CDH13: variants seen among roughly 807,000 people sequenced by gnomAD.
CDH13 encodes the protein cadherin 13, also known as cadherin-13.
Under a neutral mutation model 63.8 loss-of-function variants are expected in CDH13, and 24 were observed. The ratio of observed to expected loss-of-function variants is 0.38; its 90% CI spans 0.27 to 0.53. The LOEUF (loss-of-function observed/expected upper bound fraction) is 0.53, where lower values mean the gene tolerates loss of function less well. CDH13 is among the 20% of genes least tolerant of loss of function. CDH13 has a pLI of 0.85. For synonymous variants in CDH13, 503 were observed against 355.3 expected, an observed-to-expected ratio of 1.42 and a Z score of -4.67; for missense variants, 1,049 against 903.1, an observed-to-expected ratio of 1.16 and a Z score of -2.07.
chr16:82,822,094 G>A lies in CDH13; in HGVS notation c.46-36268G>A, dbSNP rs117577907. On this transcript the variant is annotated intron_variant, in intron 1 of 13. Coordinates refer to ENST00000567109, the MANE Select transcript of CDH13 (RefSeq NM_001257.5). ...TGTGTGAATTAACTTATTTGACCTC[G>A]ACAGACATTTGCCTCACCCCACTGA... Among the ~76,000 whole-genome samples the A allele has an allele frequency of 2.5e-3, 382 of 152,220 alleles. 1 individual carries two copies. The highest frequency in any genetic ancestry group is 4.0e-3 in the Non-Finnish European group (273 of 68,014).
chr16:82,653,291 C>T (rs1336479347), intron 1 of CDH13, among the ~76,000 whole-genome samples: 4 of 152,114 alleles, frequency 2.6e-5, no homozygotes, highest in East Asian at 1.9e-4. Flanking sequence ...GAGCTGAATA[C>T]TTGGGCTTTT....
At chr16:83,644,337 A>G (rs1253705576) in intron 8 of CDH13, among the ~76,000 whole-genome samples, 1 of 152,184 alleles carries the variant, frequency 6.6e-6, no homozygotes, top group Non-Finnish European at 1.5e-5. Context: ...TCTGTTTTAT[A>G]GATGTCCCAC....
intron 6 of CDH13, among the ~76,000 whole-genome samples, chr16:83,482,215 A>G (rs1273961365): frequency 6.6e-6 from 1 of 152,200 alleles, no homozygotes; most frequent in Non-Finnish European, 1.5e-5. Flanking sequence ...CAAGAAGCCA[A>G]TTCAACCCAA....
At chr16:83,251,343 T>C (rs1017031866) in intron 5 of CDH13, among the ~76,000 whole-genome samples, 1 of 152,238 alleles carries the variant, frequency 6.6e-6, no homozygotes, top group Non-Finnish European at 1.5e-5. Context: ...ACATGAATTA[T>C]CACGTTATCC....
chr16:83,406,609 G>A (rs1597947778), intron 6 of CDH13, among the ~76,000 whole-genome samples: 1 of 152,056 alleles, frequency 6.6e-6, no homozygotes, highest in Admixed American at 6.5e-5. Flanking sequence ...GACTACAGGC[G>A]CACATGCCAC....
At chr16:83,544,738 C>A (rs2075354218) in intron 7 of CDH13, among the ~76,000 whole-genome samples, 1 of 152,200 alleles carries the variant, frequency 6.6e-6, no homozygotes, top group African/African-American at 2.4e-5. Context: ...GGGACTCTCT[C>A]TAGCTGCATT....
At chr16:83,005,534 G>T (rs1045063088) in intron 2 of CDH13, among the ~76,000 whole-genome samples, 1 of 151,982 alleles carries the variant, frequency 6.6e-6, no homozygotes, top group Admixed American at 6.5e-5. Context: ...GTAGAGCTTT[G>T]AGCAGTGTTT....
At chr16:83,106,364 C>T (rs1292880243) in intron 3 of CDH13, among the ~76,000 whole-genome samples, 2 of 152,026 alleles carry the variant, frequency 1.3e-5, no homozygotes, top group Admixed American at 6.6e-5. Flanking sequence ...GTTGTGAAAC[C>T]CTGTCTCTAC....
At chr16:83,227,081 A>G (rs1346416276) in intron 5 of CDH13, among the ~76,000 whole-genome samples, 1 of 152,238 alleles carries the variant, frequency 6.6e-6, no homozygotes. Flanking sequence ...CGAGAACAGA[A>G]AATGATTGAA....
chr16:83,523,052 G>T (rs2074877033), intron 7 of CDH13, among the ~76,000 whole-genome samples: 1 of 152,128 alleles, frequency 6.6e-6, no homozygotes, highest in African/African-American at 2.4e-5. Flanking sequence ...CTTCTCCAAA[G>T]AAGCATTTCT....
chr16:83,687,064 T>C (rs1331995945), intron 10 of CDH13, among the ~76,000 whole-genome samples: 1 of 152,018 alleles, frequency 6.6e-6, no homozygotes, highest in African/African-American at 2.4e-5. Context: ...ACAAAAAAAG[T>C]TAGCCAGGCA....
intron 7 of CDH13, among the ~76,000 whole-genome samples, chr16:83,493,213 C>T (rs912503176): frequency 2.0e-5 from 3 of 152,178 alleles, no homozygotes; most frequent in Non-Finnish European, 4.4e-5. Context: ...TTAGATGTTT[C>T]CATGATTGAC....
chr16:82,711,100 C>T (rs1283637951), intron 1 of CDH13, among the ~76,000 whole-genome samples: 1 of 152,038 alleles, frequency 6.6e-6, no homozygotes, highest in Admixed American at 6.6e-5. Flanking sequence ...TACCTCCTGG[C>T]AGTTTCTACG....
At chr16:82,805,356 A>G (rs1295311502) in intron 1 of CDH13, among the ~76,000 whole-genome samples, 2 of 152,308 alleles carry the variant, frequency 1.3e-5, no homozygotes, top group African/African-American at 4.8e-5. Flanking sequence ...TCATTTGATG[A>G]TTAGAAATTT....
intron 4 of CDH13, among the ~76,000 whole-genome samples, chr16:83,202,802 G>A (rs1400949326): frequency 2.0e-5 from 3 of 152,106 alleles, no homozygotes; most frequent in Non-Finnish European, 4.4e-5. Context: ...TCTGAACTCT[G>A]GTTTAAATAA....
chr16:83,048,277 G>T (rs538302977), intron 3 of CDH13, among the ~76,000 whole-genome samples: 198 of 152,248 alleles, frequency 1.3e-3, no homozygotes, highest in Non-Finnish European at 1.9e-3. Flanking sequence ...GCATGTATAA[G>T]GATTGACTGA....
chr16:83,369,486 A>G (rs532153825), intron 6 of CDH13, among the ~76,000 whole-genome samples: 2 of 152,222 alleles, frequency 1.3e-5, no homozygotes, highest in East Asian at 3.9e-4. Flanking sequence ...TAGTGCAGTC[A>G]TGGCTCACTG....
At chr16:82,786,208 A>C (rs1276680249) in intron 1 of CDH13, among the ~76,000 whole-genome samples, 1 of 152,234 alleles carries the variant, frequency 6.6e-6, no homozygotes, top group Non-Finnish European at 1.5e-5. Flanking sequence ...GTAGAAGGCA[A>C]AGAATTGCAC....
chr16:82,784,460 C>A (rs915546103), intron 1 of CDH13, among the ~76,000 whole-genome samples: 13 of 152,174 alleles, frequency 8.5e-5, no homozygotes, highest in Non-Finnish European at 1.5e-5. Context: ...TGCTCTCCCC[C>A]ACACCCTGCT....
Sources: allele counts gnomAD v4.1 joint callset (sites outside exome capture counted in the v4.1 genomes callset), GRCh38; gene constraint gnomAD v4.1.1; transcripts MANE v1.5; gene names NCBI Gene and HGNC (gene_info 2026-07-23, HGNC 2026-07-21).